PKIB: variants seen among roughly 807,000 people sequenced by gnomAD.
PKIB encodes the protein PKI-beta.
Under a neutral mutation model 4.5 loss-of-function variants are expected in PKIB, and 2 were observed. That is an observed-to-expected ratio of 0.44 (90% CI 0.18 to 1.39). PKIB has a LOEUF of 1.39. Ranked by LOEUF, PKIB falls within the 40% of genes most tolerant of loss-of-function variation. PKIB has a pLI of 0.27. For synonymous variants in PKIB, 38 were observed against 36.0 expected, an observed-to-expected ratio of 1.06 and a Z score of -0.20; for missense variants, 94 against 92.6, an observed-to-expected ratio of 1.02 and a Z score of -0.06.
chr6:122,720,304 C>A (rs1229702630), intron 4 of PKIB, among the ~76,000 whole-genome samples: 1 of 151,830 alleles, frequency 6.6e-6, no homozygotes, highest in Non-Finnish European at 1.5e-5. Flanking sequence ...TTAATCTATC[C>A]CTTATAAATT....
chr6:122,584,425 TTTTGA>T (rs1438988209), intron 2 of PKIB, among the ~76,000 whole-genome samples: 1 of 152,106 alleles, frequency 6.6e-6, no homozygotes, highest in Admixed American at 6.6e-5. Context: ...CAATGAGGTG[TTTTGA>T]TTTGTGTGAA....
intron 2 of PKIB, among the ~76,000 whole-genome samples, chr6:122,578,057 A>G (rs774199639): frequency 6.6e-6 from 1 of 152,080 alleles, no homozygotes; most frequent in Non-Finnish European, 1.5e-5. Flanking sequence ...AGGAATTATT[A>G]CAGGATAGTT....
At chr6:122,601,222 G>A (rs901490870) in intron 3 of PKIB, among the ~76,000 whole-genome samples, 2 of 151,956 alleles carry the variant, frequency 1.3e-5, no homozygotes, top group African/African-American at 4.8e-5. Flanking sequence ...CAAAGGAGAT[G>A]GGTTGAAGGA....
At chr6:122,573,390 T>C (rs935070097) in intron 2 of PKIB, among the ~76,000 whole-genome samples, 3 of 151,636 alleles carry the variant, frequency 2.0e-5, no homozygotes, top group African/African-American at 7.3e-5. Flanking sequence ...TCGCTGGTAG[T>C]ACACACATGT....
At chr6:122,652,481 A>T (rs1206713907) in intron 2 of PKIB, among the ~76,000 whole-genome samples, 1 of 152,134 alleles carries the variant, frequency 6.6e-6, no homozygotes, top group African/African-American at 2.4e-5. Context: ...GAAAGCACTC[A>T]TCTGTTCTTT....
At chr6:122,586,607 A>G (rs574728457) in intron 3 of PKIB, among the ~76,000 whole-genome samples, 1 of 152,294 alleles carries the variant, frequency 6.6e-6, no homozygotes, top group African/African-American at 2.4e-5. Flanking sequence ...TTTACTGAGT[A>G]TTAAATTCAC....
chr6:122,723,300 G>A (rs4132478), intron 4 of PKIB, among the ~76,000 whole-genome samples: 63,866 of 151,828 alleles, frequency 0.42, 14,938 homozygotes, highest in East Asian at 0.64. Flanking sequence ...CCTAATTGGC[G>A]TCTCCGCTTG....
chr6:122,489,549 A>G (rs994058636), intron 2 of PKIB, among the ~76,000 whole-genome samples: 9 of 152,226 alleles, frequency 5.9e-5, no homozygotes, highest in African/African-American at 2.2e-4. Context: ...CAAAACAGTA[A>G]TTTAAAAATG....
At chr6:122,510,146 C>T (rs1470629084) in intron 2 of PKIB, among the ~76,000 whole-genome samples, 1 of 151,964 alleles carries the variant, frequency 6.6e-6, no homozygotes, top group Admixed American at 6.6e-5. Context: ...CTATTCCGCA[C>T]TTGTATTTTC....
chr6:122,608,301 C>T (rs1215768588), upstream of PKIB, among the ~76,000 whole-genome samples: 14 of 152,178 alleles, frequency 9.2e-5, no homozygotes, highest in Admixed American at 9.2e-4. Context: ...GTCTTTTCAT[C>T]ACATCACTTG....
intron 2 of PKIB, among the ~76,000 whole-genome samples, chr6:122,485,725 G>A (rs1775748062): frequency 6.6e-6 from 1 of 152,224 alleles, no homozygotes; most frequent in African/African-American, 2.4e-5. Flanking sequence ...TAAAGCGGAA[G>A]GATGGTGGCA....
At chr6:122,660,722 A>T (rs537151303) in intron 2 of PKIB, among the ~76,000 whole-genome samples, 3 of 152,296 alleles carry the variant, frequency 2.0e-5, no homozygotes, top group African/African-American at 7.2e-5. Flanking sequence ...AGCTAAAATG[A>T]TCATGTTTAT....
chr6:122,588,734 T>G (rs1307291108), intron 3 of PKIB, among the ~76,000 whole-genome samples: 1 of 152,226 alleles, frequency 6.6e-6, no homozygotes, highest in Non-Finnish European at 1.5e-5. Context: ...GACTCTTATA[T>G]ATGCCTTGTA....
intron 2 of PKIB, among the ~76,000 whole-genome samples, chr6:122,529,679 A>G (rs997326642): frequency 6.6e-6 from 1 of 152,258 alleles, no homozygotes; most frequent in Middle Eastern, 3.4e-3. Context: ...TCATTTTTGA[A>G]GGATGGGATG....
chr6:122,581,710 G>A (rs1358609207), intron 2 of PKIB: 1 of 151,822 alleles, frequency 6.6e-6, no homozygotes, highest in Non-Finnish European at 1.5e-5. Flanking sequence ...TGCATTTATT[G>A]TATTTTTTTT....
At chr6:122,522,447 C>G (rs1776972431) in intron 2 of PKIB, among the ~76,000 whole-genome samples, 1 of 152,046 alleles carries the variant, frequency 6.6e-6, no homozygotes, top group South Asian at 2.1e-4. Flanking sequence ...CCAAAACAAA[C>G]AACAACAACA....
chr6:122,687,043 T>A (rs2114988825), intron 3 of PKIB, among the ~76,000 whole-genome samples: 1 of 152,258 alleles, frequency 6.6e-6, no homozygotes, highest in South Asian at 2.1e-4. Flanking sequence ...TCTTTGCCCA[T>A]TTCAGTATCC....
chr6:122,661,719 G>A (rs764786534), intron 2 of PKIB, among the ~76,000 whole-genome samples: 8 of 152,034 alleles, frequency 5.3e-5, no homozygotes, highest in Non-Finnish European at 1.0e-4. Flanking sequence ...ATCTAGGAGT[G>A]GAATGGCTGG....
intron 2 of PKIB, among the ~76,000 whole-genome samples, chr6:122,515,543 A>G (rs368299327): frequency 2.0e-5 from 3 of 152,232 alleles, no homozygotes; most frequent in East Asian, 1.9e-4. Context: ...CTTGAAGAAC[A>G]AAGCATTTAT....
Sources: allele counts gnomAD v4.1 joint callset (sites outside exome capture counted in the v4.1 genomes callset), GRCh38; gene constraint gnomAD v4.1.1; transcripts MANE v1.5; gene names NCBI Gene and HGNC (gene_info 2026-07-23, HGNC 2026-07-21).